The following RUNX1T1 variants were observed in gnomAD, a reference collection of about 807,000 sequenced individuals.
RUNX1T1 encodes protein CBFA2T1.
RUNX1T1 carries 4 observed loss-of-function variants against 62.8 expected under a neutral mutation model. The observed-to-expected ratio is 0.06, with a 90% CI of 0.03 to 0.15. RUNX1T1 has a LOEUF of 0.15. RUNX1T1 is among the 10% of genes least tolerant of loss of function. The probability of loss-of-function intolerance (pLI) is 1.00; values close to 1 mark genes in which losing one functional copy is unlikely to be tolerated. For synonymous variants in RUNX1T1, 291 were observed against 286.0 expected, an observed-to-expected ratio of 1.02 and a Z score of -0.18; for missense variants, 508 against 754.3, an observed-to-expected ratio of 0.67 and a Z score of 3.82.
chr8:92,095,154 G>A, intron 1 of RUNX1T1: 1 of 1,535,424 alleles, frequency 6.5e-7, no homozygotes, highest in South Asian at 1.2e-5. Context: ...ATCTTTAAAT[G>A]TAAATTCTCT....
chr8:92,078,438 AT>A (rs1423980146), intron 1 of RUNX1T1, among the ~76,000 whole-genome samples: 2 of 152,124 alleles, frequency 1.3e-5, no homozygotes, highest in Non-Finnish European at 2.9e-5. Context: ...TCAGATCTGG[AT>A]GCTCAGCCCT....
intron 1 of RUNX1T1, among the ~76,000 whole-genome samples, chr8:92,082,076 G>A (rs1046816037): frequency 6.6e-6 from 1 of 151,988 alleles, no homozygotes; most frequent in Non-Finnish European, 1.5e-5. Flanking sequence ...TAGTAGGGAC[G>A]GGATTTTGCC....
intron 1 of RUNX1T1, among the ~76,000 whole-genome samples, chr8:92,028,889 A>C (rs1825743786): frequency 6.6e-6 from 1 of 152,330 alleles, no homozygotes; most frequent in East Asian, 1.9e-4. Context: ...CAAAAAACAA[A>C]AACAAGTCAT....
At chr8:91,966,441 G>C (rs1176564298) in intron 10 of RUNX1T1, among the ~76,000 whole-genome samples, 1 of 151,850 alleles carries the variant, frequency 6.6e-6, no homozygotes, top group Non-Finnish European at 1.5e-5. Flanking sequence ...CACTTTGGTA[G>C]TTTAAAACTC....
chr8:91,972,414 T>G (rs1375099895), intron 9 of RUNX1T1, among the ~76,000 whole-genome samples: 1 of 152,176 alleles, frequency 6.6e-6, no homozygotes, highest in African/African-American at 2.4e-5. Flanking sequence ...AAATATTAAC[T>G]AAATTATATT....
chr8:91,986,953 T>C (rs761765104), exon 7 of RUNX1T1: 3 of 1,612,306 alleles, frequency 1.9e-6, no homozygotes, highest in Non-Finnish European at 1.7e-6. Flanking sequence ...TCATTTCTTC[T>C]TGACGTGTGC....
At chr8:92,029,216 T>A (rs1825799392) in intron 1 of RUNX1T1, among the ~76,000 whole-genome samples, 1 of 152,204 alleles carries the variant, frequency 6.6e-6, no homozygotes, top group South Asian at 2.1e-4. Flanking sequence ...GTTAGTTTAG[T>A]CTTTACATTA....
intron 2 of RUNX1T1, among the ~76,000 whole-genome samples, chr8:92,016,390 G>A (rs1822997635): frequency 6.6e-6 from 1 of 151,600 alleles, no homozygotes; most frequent in Non-Finnish European, 1.5e-5. Context: ...AGACAAGAAA[G>A]ACACGACCGG....
At chr8:92,026,159 G>A (rs1825106922) in intron 1 of RUNX1T1, among the ~76,000 whole-genome samples, 1 of 152,040 alleles carries the variant, frequency 6.6e-6, no homozygotes, top group Non-Finnish European at 1.5e-5. Context: ...ATTTTTCTCT[G>A]TTCTATAATG....
At chr8:92,008,388 TCACACA>T (rs566293413) in intron 4 of RUNX1T1, among the ~76,000 whole-genome samples, 18,110 of 131,940 alleles carry the variant, frequency 0.14, 1,373 homozygotes, top group Middle Eastern at 0.19. Flanking sequence ...TCTCTCTCTC[TCACACA>T]CACACACACA....
At chr8:92,025,725 A>G (rs35604666) in intron 1 of RUNX1T1, among the ~76,000 whole-genome samples, 33,467 of 152,238 alleles carry the variant, frequency 0.22, 3,794 homozygotes, top group Middle Eastern at 0.27. Context: ...ACTTAGCAGT[A>G]TCTGACACAC....
chr8:92,036,028 A>G (rs1050404401), intron 1 of RUNX1T1, among the ~76,000 whole-genome samples: 6 of 152,180 alleles, frequency 3.9e-5, no homozygotes, highest in Non-Finnish European at 7.3e-5. Context: ...CCTCATTTCT[A>G]TTTATACTGT....
rs768791898 is a variant in RUNX1T1 at position 91,986,075 on chromosome 8, CA to C, written c.1198+48del. ...AAAATAAAAATGAAGTCAGCATTAACAGCATAAGAAATATGTGTTTTCGAGA... is the reference window on the plus strand; with the variant it reads ...AAAATAAAAATGAAGTCAGCATTAACGCATAAGAAATATGTGTTTTCGAGA... On this transcript the variant is annotated intron_variant, in intron 8 of 10. Transcript: ENST00000396218. The C allele has an allele frequency of 5.8e-5, 72 of 1,241,224 alleles. No homozygotes were observed. In the Middle Eastern group the frequency reaches 1.3e-3, roughly 23 times the overall value. 76.9% of individuals were successfully genotyped at this position (1,241,224 alleles called of 1,614,324 possible).
At chr8:92,055,547 T>A (rs1830906702) in intron 1 of RUNX1T1, among the ~76,000 whole-genome samples, 3 of 152,178 alleles carry the variant, frequency 2.0e-5, no homozygotes, top group Non-Finnish European at 4.4e-5. Flanking sequence ...ATGCAAGCGA[T>A]CCTCTTGCCT....
intron 10 of RUNX1T1, among the ~76,000 whole-genome samples, chr8:91,970,278 C>T (rs1252484647): frequency 1.3e-5 from 2 of 152,108 alleles, no homozygotes; most frequent in Non-Finnish European, 2.9e-5. Context: ...TGCCAGATGG[C>T]TTTGGAGACC....
chr8:92,051,882 C>T (rs1380056486), intron 1 of RUNX1T1, among the ~76,000 whole-genome samples: 2 of 150,886 alleles, frequency 1.3e-5, no homozygotes, highest in African/African-American at 4.9e-5. Context: ...TATTAATGTT[C>T]ATGCTCTTTA....
chr8:91,972,765 G>C (rs1218999225), intron 9 of RUNX1T1, among the ~76,000 whole-genome samples: 1 of 152,048 alleles, frequency 6.6e-6, no homozygotes. Context: ...GGCATATACA[G>C]ATCAGCAAAG....
At chr8:92,028,076 T>G (rs13272012) in intron 1 of RUNX1T1, among the ~76,000 whole-genome samples, 2 of 40,304 alleles carry the variant, frequency 5.0e-5, no homozygotes, top group African/African-American at 2.4e-4. Context: ...ATGGAATAAA[T>G]GGGGGGGGGG....
At chr8:92,001,317 C>T (rs2130983067) in intron 5 of RUNX1T1, among the ~76,000 whole-genome samples, 1 of 152,146 alleles carries the variant, frequency 6.6e-6, no homozygotes, top group African/African-American at 2.4e-5. Flanking sequence ...ATCACATGAG[C>T]CCAGGAGTTT....
Sources: gnomAD v4.1 joint callset for allele counts (sites outside exome capture counted in the v4.1 genomes callset) on GRCh38, gnomAD v4.1.1 for gene constraint, MANE v1.5 for transcripts, NCBI Gene and HGNC (gene_info 2026-07-23, HGNC 2026-07-21) for gene names.